Variants in MYB observed in about 807,000 individuals in gnomAD.
MYB encodes the protein transcriptional activator Myb.
In MYB, 28 loss-of-function variants were observed where a neutral mutation model predicts 92.9. The observed-to-expected ratio is 0.30, with a 90% CI of 0.22 to 0.41. The LOEUF is 0.41. Ranked by LOEUF, MYB falls within the 10% of genes least tolerant of loss-of-function variation. The probability of loss-of-function intolerance (pLI) is 1.00; values close to 1 mark genes in which losing one functional copy is unlikely to be tolerated. For synonymous variants in MYB, 295 were observed against 329.1 expected (o/e 0.90, Z 1.12); for missense variants, 679 against 929.3 (o/e 0.73, Z 3.50).
chr6:135,195,348 C>A, intron 8 of MYB: 1 of 238,816 alleles, frequency 4.2e-6, no homozygotes, highest in Admixed American at 5.2e-5. Flanking sequence ...ACTCTAACTC[C>A]TGAGTCCTCT....
At chr6:135,216,969 G>A (rs903253100) in intron 15 of MYB, among the ~76,000 whole-genome samples, 3 of 152,202 alleles carry the variant, frequency 2.0e-5, no homozygotes, top group Admixed American at 2.0e-4. Context: ...CTCCCGAGGT[G>A]ATGGTGCTGT....
chr6:135,188,018 T>A (rs1776144418), intron 3 of MYB, 113 bp downstream of exon 3: 1 of 550,180 alleles, frequency 1.8e-6, no homozygotes. Context: ...ATTTAAGAAG[T>A]GGGAGAAATG....
chr6:135,207,367 C>T (rs760449680), intron 15 of MYB, among the ~76,000 whole-genome samples: 1 of 152,184 alleles, frequency 6.6e-6, no homozygotes, highest in Non-Finnish European at 1.5e-5. Flanking sequence ...AGTTGATTGT[C>T]TATCCCTCTA....
Position 135,181,367 on chromosome 6 carries a change from C to G in MYB, c.-147C>G. ...TCTCCTCCTCCTCCGTGACCTCCTC[C>G]TCCTCTTTCTCCTGAGAAACTTCGC... On this transcript the variant is annotated 5_prime_UTR_variant, in exon 1 of 16. Transcript: ENST00000341911. This position sits in a 1 kb window ranked among gnomAD's most constrained non-coding sequence, Gnocchi z 5.3. 6.4e-6 allele frequency: 2 copies of G among 310,170 alleles called. No homozygotes were observed. Among genetic ancestry groups the G allele is most frequent in the Non-Finnish European group, 1.0e-5 (2 of 198,288 alleles). The allele number at this position is 310,170 out of a possible 1,614,324, so 19.2% of individuals were successfully genotyped here.
At chr6:135,187,680 T>G (rs900009485) in intron 2 of MYB, among the ~76,000 whole-genome samples, 154 bp from the exon 3 acceptor site, 2 of 152,220 alleles carry the variant, frequency 1.3e-5, no homozygotes, top group East Asian at 3.8e-4. Flanking sequence ...TAAATAAATC[T>G]ATACTCCCAA....
At chr6:135,206,193 G>A (rs374636480) in intron 15 of MYB, among the ~76,000 whole-genome samples, 8 of 114,156 alleles carry the variant, frequency 7.0e-5, no homozygotes, top group Admixed American at 1.1e-4. Context: ...GTGACTGAGC[G>A]AGACTCCATC....
rs768796138 is a variant in MYB at position 135,217,968 on chromosome 6, G to A, written c.2274G>A (p.Thr758=). 23 of 1,605,550 alleles carry A rather than the reference G, an allele frequency of 1.4e-5. No individual in the cohort carries two copies. The highest frequency in any genetic ancestry group is 6.7e-5 in the East Asian group (3 of 44,838). Residue 758 remains threonine, a synonymous_variant, in exon 16 of 16, where the codon ACG becomes ACA. Coordinates refer to ENST00000341911, the MANE Select transcript of MYB (RefSeq NM_001130173.2). ...RKYVNAFSAR[T]LVM ...ACGTGAATGCATTCTCAGCCCGGAC[G>A]CTGGTCATGTGAGACATTTCCAGAA...
chr6:135,216,444 C>A (rs1021618747), intron 15 of MYB, among the ~76,000 whole-genome samples: 1 of 152,006 alleles, frequency 6.6e-6, no homozygotes, highest in Non-Finnish European at 1.5e-5. Context: ...ACATTGTACC[C>A]GTTCATTCCT....
chr6:135,200,570 T>TAAAG (rs1777927145), intron 13 of MYB, 155 bp downstream of exon 13: 1 of 1,065,030 alleles, frequency 9.4e-7, no homozygotes, highest in Admixed American at 1.8e-5. Flanking sequence ...ACTGCCAGAC[T>TAAAG]GTAGGCATCA....
chr6:135,188,565 A>T (rs546764902), intron 3 of MYB, among the ~76,000 whole-genome samples: 18 of 146,712 alleles, frequency 1.2e-4, no homozygotes, highest in Non-Finnish European at 2.7e-4. Flanking sequence ...GCTGGAGTGC[A>T]GTGGCACGAT....
Position 135,199,025 on chromosome 6 carries a change from G to A in MYB, c.1684G>A (p.Val562Met), listed in dbSNP as rs1431127651. The A allele has an allele frequency of 6.2e-7, 1 of 1,605,392 alleles. No individual in the cohort carries two copies. The highest frequency in any genetic ancestry group is 1.3e-5 in the African/African-American group (1 of 74,696). Residue 562 changes from valine (V) to methionine (M), a missense_variant, in exon 11 of 16, where the codon GTG becomes ATG. Around this residue, in one of 8 missense-constraint regions of MYB, gnomAD observed 402 missense variants for 434.2 expected, o/e 0.93. Transcript: ENST00000341911. ...AACACCATTTCATAGAGACCAGACT[G>A]TGAAAACTCAAAAGGAAAATACTGT... ...VTTPFHRDQT[V>M]KTQKENTVFR...
chr6:135,206,205 C>CAAAAA (rs67836018), intron 15 of MYB, among the ~76,000 whole-genome samples: 164 of 87,272 alleles, frequency 1.9e-3, no homozygotes, highest in South Asian at 2.6e-3. Flanking sequence ...GACTCCATCT[C>CAAAAA]AAAAAAAAAA....
intron 9 of MYB, 69 bp from the exon 10 acceptor site, chr6:135,196,892 T>C: frequency 6.3e-7 from 1 of 1,585,932 alleles, no homozygotes. Flanking sequence ...AGCATCTCTC[T>C]CTCAGTGCTG....
chr6:135,206,092 G>C (rs1320948165), intron 15 of MYB, among the ~76,000 whole-genome samples: 1 of 150,786 alleles, frequency 6.6e-6, no homozygotes, highest in Non-Finnish European at 1.5e-5. Context: ...TGTAGTCCCA[G>C]CTACTTGGGA....
At position 135,181,362 on chromosome 6, in the gene MYB, T is replaced by A. The variant is rs1367391649; in HGVS notation, c.-152T>A. The A allele has an allele frequency of 7.3e-6, 2 of 275,052 alleles. No individual in the cohort carries two copies. The highest frequency in any genetic ancestry group is 1.2e-5 in the Non-Finnish European group (2 of 167,376). The allele number at this position is 275,052 out of a possible 1,614,324, so 17.0% of individuals were successfully genotyped here. On this transcript the variant is annotated 5_prime_UTR_variant, in exon 1 of 16. Coordinates refer to ENST00000341911, the MANE Select transcript of MYB (RefSeq NM_001130173.2). This position sits in a 1 kb window ranked among gnomAD's most constrained non-coding sequence, Gnocchi z 5.3. ...CTCCTTCTCCTCCTCCTCCGTGACC[T>A]CCTCCTCCTCTTTCTCCTGAGAAAC...
chr6:135,192,913 G>A (rs973660110), intron 6 of MYB, among the ~76,000 whole-genome samples: 2 of 152,170 alleles, frequency 1.3e-5, no homozygotes, highest in African/African-American at 2.4e-5. Flanking sequence ...GAATGGAGTC[G>A]CATTTGTAGA....
intron 15 of MYB, among the ~76,000 whole-genome samples, chr6:135,207,981 C>G (rs1431794006): frequency 6.6e-6 from 1 of 151,956 alleles, no homozygotes; most frequent in Non-Finnish European, 1.5e-5. Flanking sequence ...CCTGCCTCGG[C>G]CTCCCAAAGT....
At chr6:135,207,169 G>A (rs995727526) in intron 15 of MYB, among the ~76,000 whole-genome samples, 1 of 152,024 alleles carries the variant, frequency 6.6e-6, no homozygotes, top group Non-Finnish European at 1.5e-5. Context: ...TTACTTAAGA[G>A]TACTTTATAT....
At chr6:135,210,903 GT>G (rs1779616317) in intron 15 of MYB, among the ~76,000 whole-genome samples, 1 of 152,084 alleles carries the variant, frequency 6.6e-6, no homozygotes, top group Admixed American at 6.6e-5. Context: ...GGCCAGGGTG[GT>G]TTTTTGTTTT....
Sources: allele counts gnomAD v4.1 joint callset (sites outside exome capture counted in the v4.1 genomes callset), GRCh38; gene constraint gnomAD v4.1.1; regional missense constraint gnomAD v4.1.1; non-coding constraint Gnocchi (gnomAD v3.1); transcripts MANE v1.5; gene names NCBI Gene and HGNC (gene_info 2026-07-23, HGNC 2026-07-21).